The following PCDHGA5 variants were observed in gnomAD, a reference collection of about 807,000 sequenced individuals.
PCDHGA5 encodes protocadherin gamma subfamily A, 5.
In PCDHGA5, 36 loss-of-function variants were observed where a neutral mutation model predicts 56.7. The ratio of observed to expected loss-of-function variants is 0.64; its 90% CI spans 0.49 to 0.84. The LOEUF is 0.84. PCDHGA5 is among the 40% of genes least tolerant of loss of function. PCDHGA5 has a pLI of 0.00. For missense variants in PCDHGA5, 1,305 were observed against 1,201.5 expected (o/e 1.09, Z -1.27); for synonymous variants, 563 against 520.2 (o/e 1.08, Z -1.12).
At chr5:141,369,176 A>G (rs1766073414) in intron 1 of PCDHGA5, among the ~76,000 whole-genome samples, 1 of 152,212 alleles carries the variant, frequency 6.6e-6, no homozygotes, top group Non-Finnish European at 1.5e-5. Context: ...GTAAATAACA[A>G]AAAGTTAGGA....
chr5:141,408,636 C>T (rs1236637669), intron 1 of PCDHGA5: 2 of 1,614,024 alleles, frequency 1.2e-6, no homozygotes. Flanking sequence ...ATTTTCGAAT[C>T]TGCATCCGCT....
intron 1 of PCDHGA5, among the ~76,000 whole-genome samples, chr5:141,445,923 T>C (rs1169404585): frequency 6.6e-6 from 1 of 152,200 alleles, no homozygotes; most frequent in Non-Finnish European, 1.5e-5. Context: ...AGTGACAAGA[T>C]ATTTGAATTA....
chr5:141,374,202 A>G, intron 1 of PCDHGA5: 1 of 1,613,868 alleles, frequency 6.2e-7, no homozygotes, highest in Non-Finnish European at 8.5e-7. Context: ...GAGGAGCTGG[A>G]GAAAGGCTCC....
At position 141,480,524 on chromosome 5, in the gene PCDHGA5, AAAG is replaced by A. The variant is rs1342230573; in HGVS notation, c.2422-14282_2422-14280del. Among the ~76,000 whole-genome samples, 4 of 127,792 alleles carry A rather than the reference AAAG, an allele frequency of 3.1e-5. No homozygotes were observed. The East Asian group carries it at 7.7e-4, about 25-fold the overall frequency. 83.8% of individuals were successfully genotyped at this position (127,792 alleles called of 152,430 possible). On this transcript the variant is annotated intron_variant, in intron 1 of 3. Transcript: ENST00000518069. Reference sequence around the variant, plus strand: ...ACATATGAGAACAACCAAAAATGACAAAGTAGAAGCACATATGAAAAGGCTAAG... The same window carrying A: ...ACATATGAGAACAACCAAAAATGACATAGAAGCACATATGAAAAGGCTAAG...
chr5:141,370,805 C>A, intron 1 of PCDHGA5: 2 of 1,614,026 alleles, frequency 1.2e-6, no homozygotes, highest in Non-Finnish European at 1.7e-6. Context: ...GCCAAAATAT[C>A]ACTGAGCTGG....
intron 1 of PCDHGA5, chr5:141,392,656 G>T: frequency 1.3e-6 from 1 of 748,568 alleles, no homozygotes; most frequent in South Asian, 2.2e-5. Context: ...ACCCGCAGAT[G>T]CCACAAACTA....
At chr5:141,406,957 G>A (rs184355186) in intron 1 of PCDHGA5, among the ~76,000 whole-genome samples, 69 of 152,242 alleles carry the variant, frequency 4.5e-4, no homozygotes, top group African/African-American at 1.6e-3. Context: ...ACATAGTGTT[G>A]TTTCAAATAG....
Position 141,425,378 on chromosome 5 carries a change from C to T in PCDHGA5, c.2421+58627C>T, listed in dbSNP as rs372445707. Among the ~76,000 whole-genome samples the T allele has an allele frequency of 1.6e-4, 25 of 152,174 alleles. 1 individual carries two copies. The highest frequency in any genetic ancestry group is 3.9e-4 in the African/African-American group (16 of 41,522). On this transcript the variant is annotated intron_variant, in intron 1 of 3. Transcript: ENST00000518069. ...TGATATTAAGAGGGTTATGTTGATTCGGAGGTAGTGATAAAGTTCTGTTAA... is the reference window on the plus strand; with the variant it reads ...TGATATTAAGAGGGTTATGTTGATTTGGAGGTAGTGATAAAGTTCTGTTAA...
chr5:141,401,017 T>C (rs2094103677), intron 1 of PCDHGA5, among the ~76,000 whole-genome samples: 3 of 152,226 alleles, frequency 2.0e-5, no homozygotes, highest in Admixed American at 2.0e-4. Context: ...AATGGATTTA[T>C]GATTTTTTGA....
chr5:141,383,424 T>A, intron 1 of PCDHGA5: 1 of 1,613,978 alleles, frequency 6.2e-7, no homozygotes, highest in Non-Finnish European at 8.5e-7. Context: ...TCAGCCCCAA[T>A]CGCCACTTCT....
chr5:141,380,050 C>A (rs112095214), intron 1 of PCDHGA5, among the ~76,000 whole-genome samples: 11,568 of 151,826 alleles, frequency 0.076, 586 homozygotes, highest in African/African-American at 0.14. Context: ...CAGGTGCATG[C>A]CACCATGCCT....
chr5:141,402,369 A>C (rs1281295306), intron 1 of PCDHGA5, among the ~76,000 whole-genome samples: 1 of 152,066 alleles, frequency 6.6e-6, no homozygotes, highest in Non-Finnish European at 1.5e-5. Context: ...ACTTCCAAAC[A>C]AGATTGCACA....
intron 1 of PCDHGA5, among the ~76,000 whole-genome samples, chr5:141,453,510 T>C (rs11958830): frequency 0.2 from 30,607 of 152,026 alleles, 3,435 homozygotes; most frequent in African/African-American, 0.31. Flanking sequence ...AAAATTGTCA[T>C]TCCTCCCCTA....
intron 1 of PCDHGA5, chr5:141,415,060 G>C (rs1428839232): frequency 1.2e-6 from 2 of 1,613,426 alleles, no homozygotes; most frequent in Admixed American, 1.7e-5. Flanking sequence ...GCACACGGGC[G>C]AGGTGCGCAC....
In PCDHGA5 at chr5:141,392,739, A is replaced by G. The variant is rs1024855569; in HGVS notation, c.2421+25988A>G. On this transcript the variant is annotated intron_variant, in intron 1 of 3. Transcript: ENST00000518069. ...GTTTCCGGAGGATTGTCATCTCCAT[A>G]GCTGCGGCAAGAAACTAAATAAGAC... The G allele has an allele frequency of 2.1e-5, 30 of 1,432,662 alleles. No individual in the cohort carries two copies. The African/African-American group carries it at 4.2e-4, about 20-fold the overall frequency. 88.7% of individuals were successfully genotyped at this position (1,432,662 alleles called of 1,614,324 possible).
At chr5:141,498,361 T>C (rs1256361883) in intron 2 of PCDHGA5, among the ~76,000 whole-genome samples, 1 of 151,460 alleles carries the variant, frequency 6.6e-6, no homozygotes, top group African/African-American at 2.4e-5. Flanking sequence ...GCAAAAGCCT[T>C]GTGGTGAGGC....
In PCDHGA5 at chr5:141,365,407, C is replaced by G; in HGVS notation, c.1077C>G (p.Asp359Glu). The G allele has an allele frequency of 1.2e-6, 2 of 1,614,012 alleles. No individual in the cohort carries two copies. The highest frequency in any genetic ancestry group is 1.1e-5 in the South Asian group (1 of 91,084). Residue 359 changes from aspartate (D) to glutamate (E), a missense_variant, in exon 1 of 4, where the codon GAC (aspartate) becomes GAG (glutamate). Asp to Glu is a conservative substitution (Grantham distance 45). Transcript: ENST00000518069. ...LTSLTSSISEDCLPGTVIALF... is the reference protein window; with the variant it reads ...LTSLTSSISEECLPGTVIALF... ...CTCTGACCAGTTCGATCTCTGAAGA[C>G]TGTCTTCCCGGAACTGTAATCGCGC...
In PCDHGA5 at chr5:141,366,896, A is replaced by T. The variant is rs73265840; in HGVS notation, c.2421+145A>T. On this transcript the variant is annotated intron_variant, in intron 1 of 3. Coordinates refer to ENST00000518069, the MANE Select transcript of PCDHGA5 (RefSeq NM_018918.3). The stretch of plus-strand genomic sequence containing the variant: ...GAGATTAATTTTTTTTATATAATTC[A>T]TGCTTTCTCCATTTGTTTTCAAATT... The T allele has an allele frequency of 1.9e-3, 2,253 of 1,216,574 alleles. 33 individuals carry two copies. The African/African-American group carries it at 0.031, about 17-fold the overall frequency. The allele number at this position is 1,216,574 out of a possible 1,614,324, so 75.4% of individuals were successfully genotyped here.
chr5:141,381,909 A>AACCTCC (rs1182707286), intron 1 of PCDHGA5, among the ~76,000 whole-genome samples: 1 of 130,036 alleles, frequency 7.7e-6, no homozygotes, highest in East Asian at 2.2e-4. Context: ...GGCTCACCAC[A>AACCTCC]ACCTCCACCT....
Sources: allele counts gnomAD v4.1 joint callset (sites outside exome capture counted in the v4.1 genomes callset), GRCh38; gene constraint gnomAD v4.1.1; transcripts MANE v1.5; gene names NCBI Gene and HGNC (gene_info 2026-07-23, HGNC 2026-07-21).